NF1: variants seen among roughly 807,000 people sequenced by gnomAD.
NF1 encodes the protein neurofibromin 1.
A neutral mutation model predicts 325.7 loss-of-function variants in NF1; 122 were observed. That is an observed-to-expected ratio of 0.37 (90% CI 0.32 to 0.44). The LOEUF (loss-of-function observed/expected upper bound fraction) is 0.44. Ranked by LOEUF, NF1 falls within the 20% of genes least tolerant of loss-of-function variation. The pLI, the probability that NF1 is intolerant of heterozygous loss-of-function variation, is 1.00. For synonymous variants in NF1, 1,091 were observed against 1,186.0 expected, an observed-to-expected ratio of 0.92 and a Z score of 1.65; for missense variants, 2,140 against 3,415.4, an observed-to-expected ratio of 0.63 and a Z score of 9.31.
chr17:31,095,333 A>T lies in NF1; in HGVS notation c.24A>T (p.Glu8Asp). 6.5e-7 allele frequency: 1 copy of T among 1,538,900 alleles called. No homozygotes were observed. The highest frequency in any genetic ancestry group is 1.4e-5 in the African/African-American group (1 of 72,994). Residue 8 changes from glutamate (E) to aspartate (D), a missense_variant, in exon 1 of 58, where the codon GAA (glutamate) becomes GAT (aspartate). Physicochemically the swap from Glu to Asp is conservative, Grantham distance 45 (BLOSUM62 2). This residue lies in a region of NF1 where 246 missense variants were observed against 347.8 expected (regional missense o/e 0.71). Transcript: ENST00000358273. ...ACATGGCCGCGCACAGGCCGGTGGA[A>T]TGGGTCCAGGCCGTGGTCAGCCGCT... MAAHRPV[E>D]WVQAVVSRFD...
chr17:31,263,064 TA>T (rs1268479277), intron 35 of NF1, among the ~76,000 whole-genome samples: 3 of 146,954 alleles, frequency 2.0e-5, no homozygotes, highest in Non-Finnish European at 3.0e-5. Context: ...GGTAGGTAGG[TA>T]GGTAGATAGA....
At chr17:31,226,173 A>G (rs1041582502) in intron 17 of NF1, among the ~76,000 whole-genome samples, 12 of 152,270 alleles carry the variant, frequency 7.9e-5, no homozygotes, top group South Asian at 2.1e-4. Flanking sequence ...GAATAGGATA[A>G]TATCTATTTG....
At chr17:31,281,793 C>T (rs1212765671) in intron 36 of NF1, among the ~76,000 whole-genome samples, 1 of 152,108 alleles carries the variant, frequency 6.6e-6, no homozygotes, top group Admixed American at 6.6e-5. Context: ...CAGTGGCTCA[C>T]ACCTATAATC....
intron 39 of NF1, among the ~76,000 whole-genome samples, chr17:31,334,142 T>A (rs2069577590): frequency 6.6e-6 from 1 of 151,752 alleles, no homozygotes; most frequent in Non-Finnish European, 1.5e-5. Context: ...AAAAAAAATT[T>A]GCCGGGCGTG....
chr17:31,284,348 T>A (rs1045568975), intron 36 of NF1, among the ~76,000 whole-genome samples: 8 of 152,046 alleles, frequency 5.3e-5, no homozygotes, highest in Admixed American at 4.6e-4. Flanking sequence ...AATGGTGAGA[T>A]CTCAGCTCAC....
At chr17:31,263,961 T>A (rs1323132492) in intron 35 of NF1, among the ~76,000 whole-genome samples, 1 of 152,190 alleles carries the variant, frequency 6.6e-6, no homozygotes, top group Non-Finnish European at 1.5e-5. Flanking sequence ...TTGTTTCTCC[T>A]ATCAAATGAT....
At chr17:31,134,654 T>TG (rs1567804989) in intron 1 of NF1, among the ~76,000 whole-genome samples, 2 of 152,194 alleles carry the variant, frequency 1.3e-5, no homozygotes, top group African/African-American at 4.8e-5. Flanking sequence ...AAGGCTTGAC[T>TG]GGGGGTAGAG....
Position 31,358,957 on chromosome 17 carries a change from G to T in NF1, c.8114-12G>T. The T allele has an allele frequency of 6.2e-7, 1 of 1,612,234 alleles. No individual in the cohort carries two copies. Among genetic ancestry groups the T allele is most frequent in the South Asian group, 1.1e-5 (1 of 90,994 alleles). ...CTTGCTTGTTATAAGAGTAAAATTTGATTTGTTGCAGGTTTTGGTTTTAAT... is the reference window on the plus strand; with the variant it reads ...CTTGCTTGTTATAAGAGTAAAATTTTATTTGTTGCAGGTTTTGGTTTTAAT... On this transcript the variant is annotated splice_polypyrimidine_tract_variant and intron_variant, in intron 55 of 57. Coordinates refer to ENST00000358273, the MANE Select transcript of NF1 (RefSeq NM_001042492.3).
At chr17:31,367,314 C>G (rs1177522029) in intron 57 of NF1, 12 of 1,247,678 alleles carry the variant, frequency 9.6e-6, no homozygotes, top group Non-Finnish European at 1.2e-5. Context: ...CACGAAAATA[C>G]TGCTTACCCC....
At chr17:31,264,220 G>A (rs1253607166) in intron 35 of NF1, among the ~76,000 whole-genome samples, 12 of 152,022 alleles carry the variant, frequency 7.9e-5, no homozygotes, top group Non-Finnish European at 1.3e-4. Flanking sequence ...CCAGCATGGC[G>A]AAACCCCATC....
Position 31,201,041 on chromosome 17 carries a change from T to C in NF1, c.1067T>C (p.Leu356Pro), listed in dbSNP as rs2143878409. 6.2e-7 allele frequency: 1 copy of C among 1,613,580 alleles called. No individual in the cohort carries two copies. The highest frequency in any genetic ancestry group is 8.5e-7 in the Non-Finnish European group (1 of 1,179,946). Residue 356 changes from leucine (L) to proline (P), a missense_variant, in exon 10 of 58, where the codon CTG becomes CCG. By Grantham distance (98) the Leu-to-Pro change is moderately conservative (BLOSUM62 -3). Around this residue, in one of 10 missense-constraint regions of NF1, gnomAD observed 179 missense variants for 381.0 expected, o/e 0.47. Coordinates refer to ENST00000358273, the MANE Select transcript of NF1 (RefSeq NM_001042492.3). ...TTTCTGTTGGGGTTTTTATAGAACCTGCTTTTTAATCCAAGTAAGCCATTC... is the reference window on the plus strand; with the variant it reads ...TTTCTGTTGGGGTTTTTATAGAACCCGCTTTTTAATCCAAGTAAGCCATTC... ...VQSMVVDLKN[L>P]LFNPSKPFSR...
chr17:31,310,833 T>A (rs970851614), intron 36 of NF1, among the ~76,000 whole-genome samples: 2 of 152,326 alleles, frequency 1.3e-5, no homozygotes, highest in Middle Eastern at 3.4e-3. Context: ...TGATTTTGGT[T>A]CTTTTTCTTT....
intron 57 of NF1, among the ~76,000 whole-genome samples, chr17:31,364,707 A>G (rs2070475956): frequency 6.6e-6 from 1 of 152,226 alleles, no homozygotes; most frequent in African/African-American, 2.4e-5. Flanking sequence ...TACATATAAA[A>G]GTACCTAAAT....
At chr17:31,248,884 G>A in intron 29 of NF1, 100 bp from the exon 30 acceptor site, 1 of 1,087,726 alleles carries the variant, frequency 9.2e-7, no homozygotes, top group Non-Finnish European at 1.4e-6. Flanking sequence ...TCTACACGTT[G>A]CACTTGGCTT....
chr17:31,155,996 C>T lies in NF1; in HGVS notation c.74C>T (p.Thr25Ile), dbSNP rs1555604874. The T allele has an allele frequency of 3.1e-6, 5 of 1,596,798 alleles. No homozygotes were observed. Among genetic ancestry groups the T allele is most frequent in the Non-Finnish European group, 3.4e-6 (4 of 1,171,410 alleles). The change falls in exon 2 of 58, where the codon ACA becomes ATA. Residue 25 changes from threonine to isoleucine, a missense_variant. By Grantham distance (89) the Thr-to-Ile change is moderately conservative. This residue lies in a region of NF1 where 246 missense variants were observed against 347.8 expected (regional missense o/e 0.71). Coordinates refer to ENST00000358273, the MANE Select transcript of NF1 (RefSeq NM_001042492.3). ...TTTTTTTTTCAGCTTCCAATAAAAA[C>T]AGGACAGCAGAACACACATACCAAA... ...SRFDEQLPIK[T>I]GQQNTHTKVS...
rs2069101413 is a variant in NF1 at position 31,318,907 on chromosome 17, C to T, written c.4836-6913C>T. 2.5e-6 allele frequency: 4 copies of T among 1,613,878 alleles called. No individual in the cohort carries two copies. The African/African-American group carries it at 4.0e-5, about 16-fold the overall frequency. ...ATCCCAGGAAGAAGTACTGTTAGCCCACAGACGGGTATAGTTTGCTTTTGT... is the reference window on the plus strand; with the variant it reads ...ATCCCAGGAAGAAGTACTGTTAGCCTACAGACGGGTATAGTTTGCTTTTGT... On this transcript the variant is annotated intron_variant, in intron 36 of 57. Coordinates refer to ENST00000358273, the MANE Select transcript of NF1 (RefSeq NM_001042492.3).
chr17:31,312,158 A>G (rs1189942498), intron 36 of NF1, among the ~76,000 whole-genome samples: 1 of 152,144 alleles, frequency 6.6e-6, no homozygotes, highest in Non-Finnish European at 1.5e-5. Flanking sequence ...TTATGTGGGA[A>G]TTAGCTGGAA....
In NF1 at chr17:31,374,582, T is replaced by G; in HGVS notation, c.*427T>G. 3.3e-6 allele frequency: 1 copy of G among 307,284 alleles called. No homozygotes were observed. The highest frequency in any genetic ancestry group is 6.2e-6 in the Non-Finnish European group (1 of 161,514). 19.0% of individuals were successfully genotyped at this position (307,284 alleles called of 1,614,324 possible). A position where few individuals can be genotyped will look rare whatever the true frequency, so the allele number is the denominator to read the frequency against. On this transcript the variant is annotated 3_prime_UTR_variant, in exon 58 of 58. Transcript: ENST00000358273. ...GTAAAGTGTTAGTCCTATTTATACA[T>G]TTTTCAAGATACAAGTTTATGAGAG...
intron 36 of NF1, among the ~76,000 whole-genome samples, chr17:31,324,591 T>A (rs2069295418): frequency 6.6e-6 from 1 of 152,126 alleles, no homozygotes; most frequent in Non-Finnish European, 1.5e-5. Flanking sequence ...TTTAAGACAG[T>A]CTCACTGTTG....
Sources: gnomAD v4.1 joint callset for allele counts (sites outside exome capture counted in the v4.1 genomes callset) on GRCh38, gnomAD v4.1.1 for gene constraint, gnomAD v4.1.1 regional missense constraint, MANE v1.5 for transcripts, NCBI Gene and HGNC (gene_info 2026-07-23, HGNC 2026-07-21) for gene names.